THSD7B: variants seen among roughly 807,000 people sequenced by gnomAD.
THSD7B encodes thrombospondin type-1 domain-containing protein 7B.
In THSD7B, 138 loss-of-function variants were observed where a neutral mutation model predicts 213.6. That is an observed-to-expected ratio of 0.65 (90% CI 0.56 to 0.74). The LOEUF is 0.74. THSD7B is among the 30% of genes least tolerant of loss of function. THSD7B has a pLI of 0.00. For synonymous variants in THSD7B, 742 were observed against 687.0 expected (o/e 1.08, Z -1.25); for missense variants, 1,931 against 1,991.5 (o/e 0.97, Z 0.58).
intron 2 of THSD7B, among the ~76,000 whole-genome samples, chr2:136,902,944 G>A (rs2105014116): frequency 6.6e-6 from 1 of 152,282 alleles, no homozygotes; most frequent in African/African-American, 2.4e-5. Context: ...AGCTGGTCCA[G>A]CATAGAGGCA....
At chr2:137,621,797 A>G (rs555535312) in intron 20 of THSD7B, among the ~76,000 whole-genome samples, 1 of 152,338 alleles carries the variant, frequency 6.6e-6, no homozygotes, top group Admixed American at 6.5e-5. Context: ...TGGTTAATTT[A>G]TGAAGAAAAT....
chr2:137,601,616 C>T lies in THSD7B; in HGVS notation c.3424-14559C>T, dbSNP rs976349755. Reference sequence around the variant, plus strand: ...TGATGGATTTCTCAGAACATATCCCCGTCATTAAGTAACATATGACTGTAT... The same window carrying T: ...TGATGGATTTCTCAGAACATATCCCTGTCATTAAGTAACATATGACTGTAT... On this transcript the variant is annotated intron_variant, in intron 17 of 27. Coordinates refer to ENST00000409968, the MANE Select transcript of THSD7B (RefSeq NM_001316349.2). Among the ~76,000 whole-genome samples the T allele has an allele frequency of 6.6e-5, 10 of 152,048 alleles. No individual in the cohort carries two copies. In the East Asian group the frequency reaches 7.7e-4, roughly 12 times the overall value.
intron 27 of THSD7B, among the ~76,000 whole-genome samples, chr2:137,669,507 A>G (rs997478285): frequency 1.3e-5 from 2 of 152,182 alleles, no homozygotes; most frequent in Admixed American, 6.5e-5. Context: ...ACTTTTAATG[A>G]ACAAATGTGA....
At chr2:137,623,276 C>T (rs1410333460) in intron 20 of THSD7B, among the ~76,000 whole-genome samples, 1 of 152,188 alleles carries the variant, frequency 6.6e-6, no homozygotes, top group Non-Finnish European at 1.5e-5. Context: ...CAAAATTCAA[C>T]AGTCCTTCAT....
chr2:137,016,236 G>A (rs1051648331), intron 2 of THSD7B, among the ~76,000 whole-genome samples: 8 of 152,136 alleles, frequency 5.3e-5, no homozygotes, highest in African/African-American at 1.9e-4. Flanking sequence ...CCAGCCTGAT[G>A]TCAGAGTCTG....
intron 2 of THSD7B, among the ~76,000 whole-genome samples, chr2:137,016,777 A>C (rs1686350468): frequency 6.6e-6 from 1 of 152,206 alleles, no homozygotes; most frequent in East Asian, 1.9e-4. Context: ...GAACTTCTTA[A>C]GTAGGAAACC....
intron 2 of THSD7B, among the ~76,000 whole-genome samples, chr2:136,910,021 C>T (rs1684231819): frequency 6.6e-6 from 1 of 152,056 alleles, no homozygotes; most frequent in South Asian, 2.1e-4. Context: ...CCCTCTGGGG[C>T]CTGTGGGGAA....
intron 19 of THSD7B, 116 bp downstream of exon 19, chr2:137,618,623 G>A: frequency 1.1e-6 from 1 of 934,356 alleles, no homozygotes. Context: ...CTCAGCTTAG[G>A]TTCAGTTAGA....
intron 12 of THSD7B, among the ~76,000 whole-genome samples, chr2:137,282,058 AGCACCTG>A (rs1683034996): frequency 6.6e-6 from 1 of 151,550 alleles, no homozygotes; most frequent in Admixed American, 6.6e-5. Flanking sequence ...CATCCTCTCC[AGCACCTG>A]TTGTTTCCTG....
At chr2:136,939,023 G>C (rs1029799420) in intron 2 of THSD7B, among the ~76,000 whole-genome samples, 1 of 152,066 alleles carries the variant, frequency 6.6e-6, no homozygotes, top group Non-Finnish European at 1.5e-5. Context: ...TTTGCTGTTC[G>C]TTGAGTCCCT....
At chr2:137,667,119 A>AT (rs144617273) in intron 26 of THSD7B, among the ~76,000 whole-genome samples, 3,835 of 152,224 alleles carry the variant, frequency 0.025, 137 homozygotes, top group African/African-American at 0.086. Context: ...GTTTTGCCAT[A>AT]TTTTTGTATA....
intron 14 of THSD7B, among the ~76,000 whole-genome samples, chr2:137,446,619 A>C (rs955249099): frequency 3.9e-5 from 6 of 152,100 alleles, no homozygotes; most frequent in African/African-American, 1.4e-4. Flanking sequence ...TGTAATGACT[A>C]CTTCACCCCT....
intron 2 of THSD7B, among the ~76,000 whole-genome samples, chr2:137,020,440 C>T (rs769586558): frequency 3.9e-5 from 6 of 152,168 alleles, no homozygotes; most frequent in Non-Finnish European, 1.5e-5. Context: ...TTATTTTCTC[C>T]TAGCCTGATC....
At chr2:137,470,964 G>A (rs1260266527) in intron 15 of THSD7B, among the ~76,000 whole-genome samples, 1 of 142,010 alleles carries the variant, frequency 7.0e-6, no homozygotes, top group Non-Finnish European at 1.5e-5. Flanking sequence ...TCATCACTCA[G>A]GCTGGAGTGC....
chr2:136,780,032 A>AT (rs1681709631), intron 1 of THSD7B, among the ~76,000 whole-genome samples: 1 of 152,018 alleles, frequency 6.6e-6, no homozygotes, highest in Non-Finnish European at 1.5e-5. Flanking sequence ...AGATGAGGTG[A>AT]TTTTTTGAGG....
chr2:137,605,348 T>C (rs1426087867), intron 17 of THSD7B, among the ~76,000 whole-genome samples: 1 of 152,148 alleles, frequency 6.6e-6, no homozygotes, highest in Admixed American at 6.5e-5. Flanking sequence ...GTCTGGAAAA[T>C]TGGAGTAATA....
intron 10 of THSD7B, among the ~76,000 whole-genome samples, chr2:137,265,540 A>G (rs1184705832): frequency 6.6e-6 from 1 of 152,200 alleles, no homozygotes; most frequent in Non-Finnish European, 1.5e-5. Context: ...CATTATTCAC[A>G]ATAGCAAAGA....
intron 2 of THSD7B, among the ~76,000 whole-genome samples, chr2:136,931,168 G>A (rs1433507526): frequency 1.3e-5 from 2 of 152,118 alleles, no homozygotes; most frequent in Non-Finnish European, 2.9e-5. Flanking sequence ...CCCCAAAGTA[G>A]AAGGTTGTAA....
intron 12 of THSD7B, among the ~76,000 whole-genome samples, chr2:137,365,197 G>A (rs901848021): frequency 2.6e-5 from 4 of 152,140 alleles, no homozygotes; most frequent in Admixed American, 2.6e-4. Flanking sequence ...TATGAAGAAA[G>A]CTGAAACTGG....
Sources: gnomAD v4.1 joint callset for allele counts (sites outside exome capture counted in the v4.1 genomes callset) on GRCh38, gnomAD v4.1.1 for gene constraint, MANE v1.5 for transcripts, NCBI Gene and HGNC (gene_info 2026-07-23, HGNC 2026-07-21) for gene names.